Variants in BTBD9 observed in about 807,000 individuals in gnomAD.
The protein encoded by BTBD9 is BTB domain containing 9.
BTBD9 carries 49 observed loss-of-function variants against 64.3 expected under a neutral mutation model. The ratio of observed to expected loss-of-function variants is 0.76; its 90% CI spans 0.61 to 0.97. The LOEUF is 0.97. Ranked by LOEUF, BTBD9 falls within the 50% of genes least tolerant of loss-of-function variation. The pLI, the probability that BTBD9 is intolerant of heterozygous loss-of-function variation, is 0.00. For synonymous variants in BTBD9, 260 were observed against 274.7 expected (o/e 0.95, Z 0.53); for missense variants, 598 against 762.1 (o/e 0.78, Z 2.53).
intron 6 of BTBD9, among the ~76,000 whole-genome samples, chr6:38,477,214 A>G (rs1770923431): frequency 6.6e-6 from 1 of 152,280 alleles, no homozygotes; most frequent in Non-Finnish European, 1.5e-5. Flanking sequence ...TGGGGATGAC[A>G]ATCAAAATTA....
chr6:38,302,487 A>ATGTG (rs551031528), intron 7 of BTBD9, among the ~76,000 whole-genome samples: 8 of 20,852 alleles, frequency 3.8e-4, no homozygotes, highest in African/African-American at 1.0e-3. Flanking sequence ...GTGTGTATGT[A>ATGTG]TATATATATA....
chr6:38,231,834 C>T (rs957566416), intron 9 of BTBD9, among the ~76,000 whole-genome samples: 1 of 152,206 alleles, frequency 6.6e-6, no homozygotes. Flanking sequence ...CCTTCTCTCA[C>T]CCATAAAATG....
intron 1 of BTBD9, among the ~76,000 whole-genome samples, chr6:38,598,783 G>A (rs1777149486): frequency 6.6e-6 from 1 of 152,072 alleles, no homozygotes; most frequent in African/African-American, 2.4e-5. Context: ...TGGGCCTGGT[G>A]GCGCATGCCT....
chr6:38,623,081 C>A (rs1436420796), intron 1 of BTBD9, among the ~76,000 whole-genome samples: 1 of 152,204 alleles, frequency 6.6e-6, no homozygotes. Context: ...GGCAAGTACT[C>A]TAGGAGCATG....
At chr6:38,234,616 G>A (rs568272036) in intron 9 of BTBD9, among the ~76,000 whole-genome samples, 5 of 152,178 alleles carry the variant, frequency 3.3e-5, no homozygotes, top group Admixed American at 6.5e-5. Context: ...AACAATAAAC[G>A]GTATTATTTT....
chr6:38,463,699 G>A (rs1271829791), intron 6 of BTBD9, among the ~76,000 whole-genome samples: 3 of 152,102 alleles, frequency 2.0e-5, no homozygotes, highest in Admixed American at 6.6e-5. Context: ...CTTAAACCTT[G>A]GTACCTAAGA....
chr6:38,575,546 G>A (rs1182106574), intron 6 of BTBD9, among the ~76,000 whole-genome samples: 1 of 152,126 alleles, frequency 6.6e-6, no homozygotes, highest in Non-Finnish European at 1.5e-5. Context: ...CATTGTTTAG[G>A]TAGACAATGA....
intron 9 of BTBD9, among the ~76,000 whole-genome samples, chr6:38,194,717 C>T (rs7756835): frequency 0.53 from 80,519 of 151,618 alleles, 22,201 homozygotes; most frequent in Non-Finnish European, 0.61. Flanking sequence ...TGGGAGCCGT[C>T]CTGGGCAGAG....
intron 6 of BTBD9, among the ~76,000 whole-genome samples, chr6:38,524,770 C>T (rs911076522): frequency 6.6e-6 from 1 of 152,132 alleles, no homozygotes; most frequent in Non-Finnish European, 1.5e-5. Flanking sequence ...AAAATTAACC[C>T]ACAAAGAGTT....
intron 9 of BTBD9, among the ~76,000 whole-genome samples, chr6:38,212,805 C>CA (rs1762878232): frequency 6.6e-6 from 1 of 152,024 alleles, no homozygotes; most frequent in African/African-American, 2.4e-5. Context: ...TCCAAGGAGA[C>CA]GGCCTCCTCC....
chr6:38,324,441 T>G (rs1028098175), intron 7 of BTBD9, among the ~76,000 whole-genome samples: 1 of 152,164 alleles, frequency 6.6e-6, no homozygotes, highest in Admixed American at 6.6e-5. Context: ...AAAGAAAAAA[T>G]GCTCAGTGAT....
intron 8 of BTBD9, among the ~76,000 whole-genome samples, chr6:38,264,384 A>C (rs1764899867): frequency 1.3e-5 from 2 of 152,216 alleles, no homozygotes; most frequent in Admixed American, 6.5e-5. Flanking sequence ...TGCAAAGAAC[A>C]GATGCGGCAG....
intron 6 of BTBD9, among the ~76,000 whole-genome samples, chr6:38,361,813 C>T (rs1271176467): frequency 1.3e-5 from 2 of 150,644 alleles, no homozygotes; most frequent in Non-Finnish European, 3.0e-5. Context: ...GCACTCCAGC[C>T]TGGGCAACAA....
intron 6 of BTBD9, among the ~76,000 whole-genome samples, chr6:38,384,324 G>T (rs2127617269): frequency 6.6e-6 from 1 of 152,252 alleles, no homozygotes; most frequent in South Asian, 2.1e-4. Context: ...GGCCTAATTT[G>T]TGTATCTTTA....
chr6:38,487,592 CGAGAGAGAGAGAGAGAGA>C (rs70981555), intron 6 of BTBD9, among the ~76,000 whole-genome samples: 1 of 122,728 alleles, frequency 8.1e-6, no homozygotes, highest in South Asian at 2.9e-4. Flanking sequence ...AGAGAGTCAG[CGAGAGAGAGAGAGAGAGA>C]GAGAGAGAGA....
intron 6 of BTBD9, among the ~76,000 whole-genome samples, chr6:38,494,923 A>G (rs185508388): frequency 4.4e-4 from 67 of 152,346 alleles, no homozygotes; most frequent in Non-Finnish European, 9.1e-4. Context: ...TCTGCCAAAT[A>G]AATACTGCAA....
Position 38,476,894 on chromosome 6 carries a change from T to C in BTBD9, c.1154+100706A>G, listed in dbSNP as rs1025275619. On this transcript the variant is annotated intron_variant, in intron 6 of 10. Transcript: ENST00000481247. ...AATAATCATAGGAAAATGTTATTAC[T>C]ATACCTAATTTTCCCTTGGAGCTTT... Among the ~76,000 whole-genome samples the C allele has an allele frequency of 7.7e-4, 118 of 152,382 alleles. 1 individual carries two copies. Among genetic ancestry groups the C allele is most frequent in the African/African-American group, 2.8e-3 (116 of 41,600 alleles).
chr6:38,332,646 T>G (rs1280309704), intron 7 of BTBD9, among the ~76,000 whole-genome samples: 1 of 152,170 alleles, frequency 6.6e-6, no homozygotes, highest in Non-Finnish European at 1.5e-5. Flanking sequence ...AAAGATATTT[T>G]TACTTATTTA....
At chr6:38,484,646 A>G (rs1175497140) in intron 6 of BTBD9, among the ~76,000 whole-genome samples, 1 of 152,214 alleles carries the variant, frequency 6.6e-6, no homozygotes, top group African/African-American at 2.4e-5. Context: ...CAAGCCACAC[A>G]AATCTTTTGG....
Sources: gnomAD v4.1 joint callset for allele counts (sites outside exome capture counted in the v4.1 genomes callset) on GRCh38, gnomAD v4.1.1 for gene constraint, MANE v1.5 for transcripts, NCBI Gene and HGNC (gene_info 2026-07-23, HGNC 2026-07-21) for gene names.